Variants in ABL2 observed in about 807,000 individuals in gnomAD.
The protein encoded by ABL2 is ABL proto-oncogene 2, non-receptor tyrosine kinase.
Under a neutral mutation model 107.7 loss-of-function variants are expected in ABL2, and 49 were observed. That is an observed-to-expected ratio of 0.45 (90% CI 0.36 to 0.58). The LOEUF is 0.58. Among genes scored for constraint, ABL2 ranks in the 20% least tolerant of loss-of-function variants. ABL2 has a pLI of 0.00. For missense variants in ABL2, 1,245 were observed against 1,457.0 expected (o/e 0.85, Z 2.37); for synonymous variants, 549 against 548.6 (o/e 1.00, Z -0.01).
Position 179,108,275 on chromosome 1 carries a change from T to C in ABL2, c.2992A>G (p.Ile998Val). 6.2e-7 allele frequency: 1 copy of C among 1,613,436 alleles called. No individual in the cohort carries two copies. The highest frequency in any genetic ancestry group is 8.5e-7 in the Non-Finnish European group (1 of 1,179,920). The change falls in exon 12 of 12, where the codon ATC becomes GTC. Residue 998 changes from isoleucine (I) to valine (V), a missense_variant. Transcript: ENST00000502732. ...GGCTCTTCTGTAGGGTCTGAGCAGA[T>C]GGACGGATGCTGCAGTAGTCTCATC... ...PVMRLLQHPS[I>V]CSDPTEEPTA...
rs544873863 is a variant in ABL2 at position 179,100,924 on chromosome 1, T to C, written c.*6794A>G. The stretch of plus-strand genomic sequence containing the variant: ...TAGGAGAGGTAAACAATTTCAAAGT[T>C]AGAGATGTACATGGGGATGAAGAAG... On this transcript the variant is annotated 3_prime_UTR_variant, in exon 12 of 12. Transcript: ENST00000502732. 6.0e-5 allele frequency: 14 copies of C among 232,688 alleles called. No homozygotes were observed. Among genetic ancestry groups the C allele is most frequent in the African/African-American group, 2.9e-4 (13 of 45,412 alleles). The allele number at this position is 232,688 out of a possible 1,614,324, so 14.4% of individuals were successfully genotyped here. A position where few individuals can be genotyped will look rare whatever the true frequency, so the allele number is the denominator to read the frequency against.
intron 6 of ABL2, 52 bp from the exon 7 acceptor site, chr1:179,118,816 C>G (rs1226993975): frequency 6.4e-7 from 1 of 1,569,436 alleles, no homozygotes; most frequent in Admixed American, 1.8e-5. Flanking sequence ...TCAAACACTC[C>G]AAACCACTTT....
At chr1:179,151,077 C>T (rs1247401599) in intron 1 of ABL2, among the ~76,000 whole-genome samples, 2 of 152,062 alleles carry the variant, frequency 1.3e-5, no homozygotes, top group African/African-American at 2.4e-5. Context: ...AGCATGAACA[C>T]GACTTTTATA....
At chr1:179,211,150 G>T (rs748035271) in intron 1 of ABL2, among the ~76,000 whole-genome samples, 44 of 152,134 alleles carry the variant, frequency 2.9e-4, no homozygotes, top group Non-Finnish European at 3.8e-4. Flanking sequence ...GTCAATGAAA[G>T]AACAAAATAA....
rs1021457679 is a variant in ABL2, at chr1:179,101,585, G to C, written c.*6133C>G. 2 of 173,280 alleles carry C rather than the reference G, an allele frequency of 1.2e-5. No homozygotes were observed. Among genetic ancestry groups the C allele is most frequent in the African/African-American group, 4.8e-5 (2 of 42,038 alleles). The allele number at this position is 173,280 out of a possible 1,614,324, so 10.7% of individuals were successfully genotyped here. Reference sequence around the variant, plus strand: ...GGGGTTTCACCATGTTGGCCAGGCTGGTCTCAAACTCCTGACCTCAAGTGA... The same window carrying C: ...GGGGTTTCACCATGTTGGCCAGGCTCGTCTCAAACTCCTGACCTCAAGTGA... On this transcript the variant is annotated 3_prime_UTR_variant, in exon 12 of 12. Transcript: ENST00000502732.
Position 179,229,652 on chromosome 1 carries a change from G to T in ABL2, c.-255C>A. 2.2e-6 allele frequency: 1 copy of T among 463,206 alleles called. No individual in the cohort carries two copies. Among genetic ancestry groups the T allele is most frequent in the Admixed American group, 4.9e-5 (1 of 20,400 alleles). The allele number at this position is 463,206 out of a possible 1,614,324, so 28.7% of individuals were successfully genotyped here. On this transcript the variant is annotated 5_prime_UTR_variant, in exon 1 of 12. Transcript: ENST00000502732. Reference sequence around the variant, plus strand: ...CCCCAACGCCGCCGCCGCCGCCGCCGCCACCGCCGCCGCCATCTTTAAACC... The same window carrying T: ...CCCCAACGCCGCCGCCGCCGCCGCCTCCACCGCCGCCGCCATCTTTAAACC...
Position 179,145,503 on chromosome 1 carries a change from C to CA in ABL2, c.158-12130dup, listed in dbSNP as rs563311771. Reference sequence around the variant, plus strand: ...TTTTTACCAAAAAGAAAACTATTTTCAAAAAAGAATTAAGAAGATAAGAGT... The same window carrying CA: ...TTTTTACCAAAAAGAAAACTATTTTCAAAAAAAGAATTAAGAAGATAAGAGT... On this transcript the variant is annotated intron_variant, in intron 1 of 11. Transcript: ENST00000502732. Among the ~76,000 whole-genome samples, 30 of 151,982 alleles carry CA rather than the reference C, an allele frequency of 2.0e-4. No homozygotes were observed. In the South Asian group the frequency reaches 6.0e-3, roughly 31 times the overall value.
Position 179,107,005 on chromosome 1 carries a change from C to T in ABL2, c.*713G>A, listed in dbSNP as rs1289145895. On this transcript the variant is annotated 3_prime_UTR_variant, in exon 12 of 12. Transcript: ENST00000502732. ...CCTGGTCCATTATGAAATAATATAC[C>T]AGACTGGGAGAAGTGACTTCTGCTA... 4.4e-6 allele frequency: 1 copy of T among 229,708 alleles called. No homozygotes were observed. The highest frequency in any genetic ancestry group is 2.2e-5 in the African/African-American group (1 of 45,146). The allele number at this position is 229,708 out of a possible 1,614,324, so 14.2% of individuals were successfully genotyped here.
chr1:179,183,230 TG>T (rs763581611), intron 1 of ABL2, among the ~76,000 whole-genome samples: 49 of 151,884 alleles, frequency 3.2e-4, no homozygotes, highest in Admixed American at 9.2e-4. Context: ...ACTCAGTGGG[TG>T]GGGCGGGAGG....
chr1:179,130,726 TTGTGTGTGTGTGTGTGTGTG>T (rs10643666), intron 3 of ABL2, among the ~76,000 whole-genome samples: 35 of 142,722 alleles, frequency 2.5e-4, no homozygotes, highest in African/African-American at 7.3e-4. Flanking sequence ...ATTATTGATT[TTGTGTGTGTGTGTGTGTGTG>T]TGTGTGTGTG....
intron 1 of ABL2, among the ~76,000 whole-genome samples, chr1:179,202,270 C>T (rs1343971377): frequency 6.6e-6 from 1 of 152,072 alleles, no homozygotes; most frequent in Non-Finnish European, 1.5e-5. Context: ...TGCAAATTTC[C>T]AGATTAGCTG....
intron 1 of ABL2, among the ~76,000 whole-genome samples, chr1:179,206,220 A>G (rs1661961456): frequency 6.6e-6 from 1 of 152,208 alleles, no homozygotes; most frequent in African/African-American, 2.4e-5. Flanking sequence ...TTTGACAGGC[A>G]AATTAAGAGA....
chr1:179,112,903 C>A (rs1331821913), intron 9 of ABL2, among the ~76,000 whole-genome samples: 2 of 152,106 alleles, frequency 1.3e-5, no homozygotes, highest in African/African-American at 4.8e-5. Flanking sequence ...TACAGGCGCA[C>A]GCCACCACGT....
intron 1 of ABL2, among the ~76,000 whole-genome samples, chr1:179,183,025 T>C (rs1300038069): frequency 6.6e-6 from 1 of 152,242 alleles, no homozygotes; most frequent in East Asian, 1.9e-4. Flanking sequence ...TTTTTTGTTT[T>C]TGTTTTTGAG....
rs534743848 is a variant in ABL2 at position 179,210,195 on chromosome 1, GA to G, written c.157+19045del. 4.7e-3 allele frequency among the ~76,000 whole-genome samples: 719 copies of G among 151,914 alleles called. 6 individuals carry two copies. Among genetic ancestry groups the G allele is most frequent in the African/African-American group, 0.017 (687 of 41,458 alleles). On this transcript the variant is annotated intron_variant, in intron 1 of 11. Transcript: ENST00000502732. Reference sequence around the variant, plus strand: ...TGTTAAAAGCAAATACTTTAAATGAGAAAAAAAATGATTTTAAAAAACAACA... The same window carrying G: ...TGTTAAAAGCAAATACTTTAAATGAGAAAAAAATGATTTTAAAAAACAACA...
Position 179,136,718 on chromosome 1 carries a change from A to C in ABL2, c.158-3344T>G, listed in dbSNP as rs558265212. ...CAAGAATGATCAATAAAAAATAAAT[A>C]AATAAATAAATAAATAAATAAATAA... On this transcript the variant is annotated intron_variant, in intron 1 of 11. Transcript: ENST00000502732. Among the ~76,000 whole-genome samples the C allele has an allele frequency of 1.6e-3, 226 of 140,294 alleles. 2 individuals are homozygous for C. Among genetic ancestry groups the C allele is most frequent in the African/African-American group, 4.5e-3 (155 of 34,232 alleles). 92.0% of individuals were successfully genotyped at this position (140,294 alleles called of 152,430 possible). A position where few individuals can be genotyped will look rare whatever the true frequency, so the allele number is the denominator to read the frequency against.
intron 1 of ABL2, among the ~76,000 whole-genome samples, chr1:179,152,544 GTGTGCA>G (rs1285666564): frequency 2.4e-4 from 36 of 152,168 alleles, no homozygotes; most frequent in African/African-American, 8.7e-4. Flanking sequence ...ATGACTGTGT[GTGTGCA>G]TGTGCATGTG....
rs531887485 is a variant in ABL2 at position 179,172,928 on chromosome 1, G to A, written c.158-39554C>T. ...AGTTCGGCCAGGCACAGTGGCTCAC[G>A]CTTGTAATCCCAGCACTTTGAGAGG... On this transcript the variant is annotated intron_variant, in intron 1 of 11. Coordinates refer to ENST00000502732, the MANE Select transcript of ABL2 (RefSeq NM_007314.4). 1.8e-4 allele frequency among the ~76,000 whole-genome samples: 27 copies of A among 152,240 alleles called. No homozygotes were observed. In the East Asian group the frequency reaches 5.2e-3, roughly 29 times the overall value.
In ABL2 at chr1:179,109,099, G is replaced by A; in HGVS notation, c.2168C>T (p.Ala723Val). The A allele has an allele frequency of 6.3e-7, 1 of 1,599,256 alleles. No homozygotes were observed. The highest frequency in any genetic ancestry group is 8.5e-7 in the Non-Finnish European group (1 of 1,178,136). ...GTCGTCATTACAGAGGTTCCTCTGTGCAAAGCTCCCCCCATAGCACTTGGG... is the reference window on the plus strand; with the variant it reads ...GTCGTCATTACAGAGGTTCCTCTGTACAAAGCTCCCCCCATAGCACTTGGG... ...VPPKCYGGSF[A>V]QRNLCNDDGG... The change falls in exon 12 of 12, where the codon GCA (alanine) becomes GTA (valine). Residue 723 changes from alanine to valine, a missense_variant. Coordinates refer to ENST00000502732, the MANE Select transcript of ABL2 (RefSeq NM_007314.4).
Sources: gnomAD v4.1 joint callset for allele counts (sites outside exome capture counted in the v4.1 genomes callset) on GRCh38, gnomAD v4.1.1 for gene constraint, MANE v1.5 for transcripts, NCBI Gene and HGNC (gene_info 2026-07-23, HGNC 2026-07-21) for gene names.